HYDIN: variants seen among roughly 807,000 people sequenced by gnomAD.
HYDIN encodes the protein HYDIN axonemal central pair apparatus protein.
HYDIN carries 132 observed loss-of-function variants against 403.9 expected under a neutral mutation model. The ratio of observed to expected loss-of-function variants is 0.33; its 90% confidence interval spans 0.28 to 0.38. The LOEUF is 0.38. Among genes scored for constraint, HYDIN ranks in the 10% least tolerant of loss-of-function variants. HYDIN has a pLI of 1.00. For synonymous variants in HYDIN, 1,202 were observed against 1,891.7 expected (o/e 0.64, Z 9.46); for missense variants, 2,827 against 5,009.5 (o/e 0.56, Z 13.15).
intron 12 of HYDIN, chr16:71,087,792 G>A (rs1185079820): frequency 6.6e-6 from 1 of 152,532 alleles, no homozygotes; most frequent in Non-Finnish European, 1.5e-5. Context: ...ACCAGAATAA[G>A]AGAAACTGCC....
chr16:71,107,828 C>T (rs2083673378), intron 10 of HYDIN, among the ~76,000 whole-genome samples: 1 of 152,110 alleles, frequency 6.6e-6, no homozygotes, highest in Admixed American at 6.5e-5. Context: ...TGGGTATAAA[C>T]CCAAAAGGAT....
intron 23 of HYDIN, among the ~76,000 whole-genome samples, chr16:71,009,680 C>A (rs1336125882): frequency 6.7e-6 from 1 of 148,654 alleles, no homozygotes; most frequent in Non-Finnish European, 1.5e-5. Flanking sequence ...TGAGTCAGCC[C>A]AGTGATCTAA....
At chr16:71,043,824 C>G (rs1398023362) in intron 18 of HYDIN, among the ~76,000 whole-genome samples, 1 of 151,414 alleles carries the variant, frequency 6.6e-6, no homozygotes, top group Admixed American at 6.6e-5. Context: ...TGCAGTGGCT[C>G]ATGCCTGTAA....
In HYDIN at chr16:71,108,275, G is replaced by A. The variant is rs565874439; in HGVS notation, c.1327+7421C>T. Reference sequence around the variant, plus strand: ...GTACAACAAAAACAAAACTGCACACGTACCCCTGAACCTAAAAGTTAATTT... The same window carrying A: ...GTACAACAAAAACAAAACTGCACACATACCCCTGAACCTAAAAGTTAATTT... On this transcript the variant is annotated intron_variant, in intron 10 of 85. Transcript: ENST00000393567. Among the ~76,000 whole-genome samples, 8 of 152,212 alleles carry A rather than the reference G, an allele frequency of 5.3e-5. No individual in the cohort carries two copies. The South Asian group carries it at 8.3e-4, about 16-fold the overall frequency.
chr16:70,810,331 C>A (rs537182963), intron 84 of HYDIN, among the ~76,000 whole-genome samples: 1 of 152,336 alleles, frequency 6.6e-6, no homozygotes, highest in Admixed American at 6.5e-5. Context: ...TAGGCAGCTC[C>A]TTCTTTGCTC....
Position 70,908,385 on chromosome 16 carries a change from G to A in HYDIN, c.8263C>T (p.Gln2755Ter). Residue 2755 changes from glutamine to a stop codon, truncating the protein, a stop_gained, in exon 49 of 86, where the codon CAG (glutamine) becomes TAG (stop). Transcript: ENST00000393567. LOFTEE classifies it high-confidence loss of function. ...AACTCATCAGAAGAGAAGTGCACCT[G>A]CAACGTTACCTCGCCATTGGCTGGC... is the stretch of plus-strand genomic sequence containing the variant. ...IVPANGEVTLQVHFSSDEFGN... is the reference protein window; with the variant it reads ...IVPANGEVTL 7.8e-7 allele frequency: 1 copy of A among 1,286,214 alleles called. No individual in the cohort carries two copies. Among genetic ancestry groups the A allele is most frequent in the Non-Finnish European group, 1.1e-6 (1 of 923,000 alleles). 79.7% of individuals were successfully genotyped at this position (1,286,214 alleles called of 1,614,324 possible).
rs195636 is a variant in HYDIN, at chr16:71,084,830, G to A, written c.1670+3471C>T. Among the ~76,000 whole-genome samples, 3 of 149,398 alleles carry A rather than the reference G, an allele frequency of 2.0e-5. No individual in the cohort carries two copies. The East Asian group carries it at 6.0e-4, about 30-fold the overall frequency. On this transcript the variant is annotated intron_variant, in intron 12 of 85. Transcript: ENST00000393567. Reference sequence around the variant, plus strand: ...AAAAGGGTGCTAAATTTTGGTAAATGCTTTTTCTGTGTTTACTGAAATAAT... The same window carrying A: ...AAAAGGGTGCTAAATTTTGGTAAATACTTTTTCTGTGTTTACTGAAATAAT...
chr16:70,807,507 A>T lies in HYDIN; in HGVS notation c.*73T>A. 6.8e-7 allele frequency: 1 copy of T among 1,476,474 alleles called. No individual in the cohort carries two copies. Among genetic ancestry groups the T allele is most frequent in the South Asian group, 1.4e-5 (1 of 73,472 alleles). 91.5% of individuals were successfully genotyped at this position (1,476,474 alleles called of 1,614,324 possible). On this transcript the variant is annotated 3_prime_UTR_variant, in exon 86 of 86. Coordinates refer to ENST00000393567, the MANE Select transcript of HYDIN (RefSeq NM_001270974.2). ...TAAAAACAGTTCCTTTAGAATTCTTATTGTTTTCTCTATTCTTTTTCAGGC... is the reference window on the plus strand; with the variant it reads ...TAAAAACAGTTCCTTTAGAATTCTTTTTGTTTTCTCTATTCTTTTTCAGGC...
At chr16:71,218,283 G>A (rs2088996949) in intron 1 of HYDIN, among the ~76,000 whole-genome samples, 1 of 152,136 alleles carries the variant, frequency 6.6e-6, no homozygotes, top group Non-Finnish European at 1.5e-5. Context: ...ACAGAGAAGG[G>A]ATAACTACTC....
At chr16:71,169,039 AAG>A (rs1377070654) in intron 5 of HYDIN, among the ~76,000 whole-genome samples, 1 of 152,226 alleles carries the variant, frequency 6.6e-6, no homozygotes, top group Non-Finnish European at 1.5e-5. Flanking sequence ...CAGTATGTGG[AAG>A]AGCTACCTGA....
intron 8 of HYDIN, among the ~76,000 whole-genome samples, chr16:71,135,820 A>G (rs1425496208): frequency 7.0e-6 from 1 of 142,922 alleles, no homozygotes. Flanking sequence ...AAGATGGCAC[A>G]GTGGCAATTC....
At chr16:70,971,272 G>A (rs1404888680) in intron 35 of HYDIN, among the ~76,000 whole-genome samples, 2 of 152,270 alleles carry the variant, frequency 1.3e-5, no homozygotes, top group East Asian at 1.9e-4. Context: ...TGATGATTCT[G>A]AAGTGTGTAC....
At chr16:70,930,974 G>A (rs538634195) in intron 45 of HYDIN, among the ~76,000 whole-genome samples, 7 of 152,126 alleles carry the variant, frequency 4.6e-5, no homozygotes, top group African/African-American at 1.7e-4. Context: ...CTCAGATGGA[G>A]GAACTGTCAG....
chr16:71,181,214 C>A (rs2086887954), intron 3 of HYDIN, among the ~76,000 whole-genome samples: 1 of 149,966 alleles, frequency 6.7e-6, no homozygotes, highest in African/African-American at 2.4e-5. Context: ...AAAATCCCAG[C>A]AGTTTTTTTT....
chr16:70,896,413 C>T (rs60603701), intron 53 of HYDIN, among the ~76,000 whole-genome samples: 5 of 151,978 alleles, frequency 3.3e-5, no homozygotes, highest in African/African-American at 4.8e-5. Context: ...AGTGCAGTGG[C>T]GCAATCTCGG....
chr16:70,896,212 C>T (rs1597251652), intron 53 of HYDIN, 132 bp from the exon 54 acceptor site: 6 of 883,262 alleles, frequency 6.8e-6, no homozygotes, highest in African/African-American at 3.5e-5. Context: ...ATTTTATCTT[C>T]GCCAAGCATT....
intron 41 of HYDIN, among the ~76,000 whole-genome samples, chr16:70,949,304 G>A (rs1385680568): frequency 1.7e-5 from 2 of 119,284 alleles, no homozygotes; most frequent in East Asian, 5.3e-4. Context: ...TCTGGGGACT[G>A]TTGTGGGGTG....
rs1452386160 is a variant in HYDIN at position 71,184,853 on chromosome 16, G to C, written c.261+12C>G. On this transcript the variant is annotated intron_variant, in intron 3 of 85. Transcript: ENST00000393567. ...GCCCACTTTATATGTAAGTACGACAGAGAGCAGCTACCTTCTGATGTGTTG... is the reference window on the plus strand; with the variant it reads ...GCCCACTTTATATGTAAGTACGACACAGAGCAGCTACCTTCTGATGTGTTG... 3.1e-6 allele frequency: 5 copies of C among 1,591,942 alleles called. No individual in the cohort carries two copies. In the Admixed American group the frequency reaches 5.1e-5, roughly 16 times the overall value.
chr16:71,175,468 AAATGTC>A, intron 5 of HYDIN, 133 bp downstream of exon 5: 1 of 902,996 alleles, frequency 1.1e-6, no homozygotes, highest in Non-Finnish European at 1.7e-6. Flanking sequence ...ACAACAACAC[AAATGTC>A]AATACCAAGA....
Sources: gnomAD v4.1 joint callset for allele counts (sites outside exome capture counted in the v4.1 genomes callset) on GRCh38, gnomAD v4.1.1 for gene constraint, MANE v1.5 for transcripts, NCBI Gene and HGNC (gene_info 2026-07-23, HGNC 2026-07-21) for gene names.